PRKG1: variants seen among roughly 807,000 people sequenced by gnomAD.
PRKG1 encodes protein kinase cGMP-dependent 1.
Under a neutral mutation model 88.1 loss-of-function variants are expected in PRKG1, and 35 were observed. The ratio of observed to expected loss-of-function variants is 0.40; its 90% CI spans 0.30 to 0.53. The LOEUF (loss-of-function observed/expected upper bound fraction) is 0.53, where lower values mean the gene tolerates loss of function less well. Ranked by LOEUF, PRKG1 falls within the 20% of genes least tolerant of loss-of-function variation. The probability of loss-of-function intolerance (pLI) is 0.59; values close to 1 mark genes in which losing one functional copy is unlikely to be tolerated. For missense variants in PRKG1, 540 were observed against 839.8 expected (o/e 0.64, Z 4.41); for synonymous variants, 303 against 292.5 (o/e 1.04, Z -0.37).
chr10:51,485,087 T>G (rs928593362), intron 3 of PRKG1, among the ~76,000 whole-genome samples: 2 of 152,222 alleles, frequency 1.3e-5, no homozygotes, highest in African/African-American at 4.8e-5. Flanking sequence ...ATAGAAAATC[T>G]AATACAAGCC....
chr10:51,327,005 C>T lies in PRKG1; in HGVS notation c.479-140718C>T, dbSNP rs192792021. ...AGGTGTTACAAAAAATTAATCAAGTCAGCATGTATACTGCATATGTGTCTT... is the reference window on the plus strand; with the variant it reads ...AGGTGTTACAAAAAATTAATCAAGTTAGCATGTATACTGCATATGTGTCTT... On this transcript the variant is annotated intron_variant, in intron 2 of 17. Transcript: ENST00000373980. 3.8e-4 allele frequency among the ~76,000 whole-genome samples: 58 copies of T among 152,298 alleles called. No individual in the cohort carries two copies. The Middle Eastern group carries it at 0.01, about 27-fold the overall frequency.
At chr10:51,642,256 G>A (rs1589154698) in intron 3 of PRKG1, among the ~76,000 whole-genome samples, 2 of 152,106 alleles carry the variant, frequency 1.3e-5, no homozygotes, top group Admixed American at 6.5e-5. Flanking sequence ...TAGGCGTGGT[G>A]GTGCGCGCCT....
At chr10:52,070,876 T>C (rs1846479107) in intron 7 of PRKG1, among the ~76,000 whole-genome samples, 1 of 152,222 alleles carries the variant, frequency 6.6e-6, no homozygotes, top group Non-Finnish European at 1.5e-5. Flanking sequence ...AGCTCTGAAA[T>C]GAGACTTCTT....
At chr10:51,239,485 A>G (rs1347599946) in intron 2 of PRKG1, among the ~76,000 whole-genome samples, 1 of 152,154 alleles carries the variant, frequency 6.6e-6, no homozygotes, top group African/African-American at 2.4e-5. Flanking sequence ...GGCTAAATAG[A>G]GGTATTAGGC....
chr10:51,488,296 T>A (rs1379993805), intron 3 of PRKG1, among the ~76,000 whole-genome samples: 1 of 152,176 alleles, frequency 6.6e-6, no homozygotes, highest in African/African-American at 2.4e-5. Context: ...CTAGATGTAC[T>A]TTGGTCATTC....
intron 3 of PRKG1, among the ~76,000 whole-genome samples, chr10:51,615,874 A>G (rs746825458): frequency 2.0e-4 from 31 of 151,940 alleles, no homozygotes; most frequent in Admixed American, 7.2e-4. Context: ...TAGTGGTGTC[A>G]TATTTCCTTG....
chr10:51,309,990 T>C lies in PRKG1; in HGVS notation c.478+156660T>C, dbSNP rs151162689. Among the ~76,000 whole-genome samples the C allele has an allele frequency of 1.9e-3, 292 of 152,222 alleles. 1 individual carries two copies. The highest frequency in any genetic ancestry group is 6.0e-3 in the Admixed American group (91 of 15,268). On this transcript the variant is annotated intron_variant, in intron 2 of 17. Transcript: ENST00000373980. ...AGGTCATTGTCTTAAGTGAAACAAC[T>C]CAGAAACAGAAAAATACTGTGCGTT...
At chr10:51,016,161 C>T (rs2132728873) in intron 1 of PRKG1, among the ~76,000 whole-genome samples, 1 of 152,286 alleles carries the variant, frequency 6.6e-6, no homozygotes, top group Non-Finnish European at 1.5e-5. Flanking sequence ...TTACTGATTG[C>T]ATTGCATTTG....
At chr10:51,745,903 G>C (rs1417304833) in intron 3 of PRKG1, among the ~76,000 whole-genome samples, 1 of 152,148 alleles carries the variant, frequency 6.6e-6, no homozygotes, top group Non-Finnish European at 1.5e-5. Context: ...GGAGTGCAAT[G>C]GCGCAGTCAT....
chr10:51,163,869 G>A (rs570903479), intron 2 of PRKG1, among the ~76,000 whole-genome samples: 7 of 152,210 alleles, frequency 4.6e-5, no homozygotes, highest in Admixed American at 3.3e-4. Context: ...GCCCAGGCTC[G>A]CTTAGGTAAA....
chr10:51,609,635 A>G (rs1399497585), intron 3 of PRKG1, among the ~76,000 whole-genome samples: 1 of 152,240 alleles, frequency 6.6e-6, no homozygotes, highest in Non-Finnish European at 1.5e-5. Context: ...CAATACATAT[A>G]TACCATGGAT....
chr10:51,108,502 A>T (rs1401006734), intron 1 of PRKG1, among the ~76,000 whole-genome samples: 1 of 152,196 alleles, frequency 6.6e-6, no homozygotes, highest in Non-Finnish European at 1.5e-5. Flanking sequence ...AACAAGCAAA[A>T]CAAAAACAAA....
chr10:52,153,949 T>C (rs1838012914), intron 8 of PRKG1, among the ~76,000 whole-genome samples: 1 of 152,138 alleles, frequency 6.6e-6, no homozygotes, highest in Non-Finnish European at 1.5e-5. Context: ...TTATCCATGT[T>C]GGTCAGGCTG....
At chr10:51,600,266 T>G (rs1838563546) in intron 3 of PRKG1, among the ~76,000 whole-genome samples, 1 of 152,214 alleles carries the variant, frequency 6.6e-6, no homozygotes, top group African/African-American at 2.4e-5. Context: ...TGTCTTAATA[T>G]GCTCATTATT....
At chr10:51,809,265 C>T (rs1340394914) in intron 4 of PRKG1, among the ~76,000 whole-genome samples, 2 of 149,544 alleles carry the variant, frequency 1.3e-5, no homozygotes, top group African/African-American at 2.5e-5. Context: ...GATGTAAACA[C>T]AGATGTTTCT....
At chr10:51,746,599 T>TGTAGTCCCAGCTATTTG (rs1397572166) in intron 3 of PRKG1, among the ~76,000 whole-genome samples, 3 of 151,978 alleles carry the variant, frequency 2.0e-5, no homozygotes, top group Non-Finnish European at 4.4e-5. Flanking sequence ...GGTGGGTGCC[T>TGTAGTCCCAGCTATTTG]GTAGTCCCAG....
intron 2 of PRKG1, among the ~76,000 whole-genome samples, chr10:51,169,802 A>G (rs1846651663): frequency 6.6e-6 from 1 of 152,060 alleles, no homozygotes; most frequent in Non-Finnish European, 1.5e-5. Context: ...TTCCTTCCTC[A>G]TTTGTCACAT....
In PRKG1 at chr10:52,162,182, A is replaced by G. The variant is rs201173381; in HGVS notation, c.1076+219A>G. ...AAAACTTCAATTTTGTGATGAAGAT[A>G]ATCTCAGCAAGAAAAAATGCTTATT... On this transcript the variant is annotated intron_variant, in intron 9 of 17. Transcript: ENST00000373980. Among the ~76,000 whole-genome samples, 5 of 152,264 alleles carry G rather than the reference A, an allele frequency of 3.3e-5. No homozygotes were observed. In the East Asian group the frequency reaches 9.7e-4, roughly 29 times the overall value.
chr10:51,142,053 T>G (rs2131956612), intron 1 of PRKG1, among the ~76,000 whole-genome samples: 1 of 152,260 alleles, frequency 6.6e-6, no homozygotes, highest in African/African-American at 2.4e-5. Flanking sequence ...TTTTGTGTAC[T>G]TCATTTCTCC....
Sources: gnomAD v4.1 joint callset for allele counts (sites outside exome capture counted in the v4.1 genomes callset) on GRCh38, gnomAD v4.1.1 for gene constraint, MANE v1.5 for transcripts, NCBI Gene and HGNC (gene_info 2026-07-23, HGNC 2026-07-21) for gene names.